Variants in GALNT13 observed in about 807,000 individuals in gnomAD.
The protein encoded by GALNT13 is UDP-GalNAc:polypeptide N-acetylgalactosaminyltransferase 13.
Under a neutral mutation model 64.2 loss-of-function variants are expected in GALNT13, and 28 were observed. The ratio of observed to expected loss-of-function variants is 0.44; its 90% CI spans 0.32 to 0.60. GALNT13 has a LOEUF of 0.60. GALNT13 is among the 20% of genes least tolerant of loss of function. GALNT13 has a pLI of 0.05. For missense variants in GALNT13, 577 were observed against 669.8 expected (o/e 0.86, Z 1.53); for synonymous variants, 214 against 224.6 (o/e 0.95, Z 0.42).
chr2:153,728,701 C>T, the GALNT13 span, among the ~76,000 whole-genome samples: 2 of 152,028 alleles, frequency 1.3e-5, no homozygotes, highest in Non-Finnish European at 2.9e-5. Context: ...TCAATGAATC[C>T]AGGAGCTGGT....
chr2:154,164,707 G>A (rs1184654944), intron 4 of GALNT13, among the ~76,000 whole-genome samples: 8 of 152,012 alleles, frequency 5.3e-5, no homozygotes, highest in South Asian at 2.1e-4. Context: ...AAAACGTGAC[G>A]TGGCAGCCTC....
intron 8 of GALNT13, among the ~76,000 whole-genome samples, chr2:154,276,113 G>A (rs571815987): frequency 6.6e-6 from 1 of 152,294 alleles, no homozygotes; most frequent in South Asian, 2.1e-4. Flanking sequence ...GATTTTACAG[G>A]CTCATAGGCA....
At chr2:154,197,631 T>G (rs1024379307) in intron 4 of GALNT13, among the ~76,000 whole-genome samples, 4 of 151,818 alleles carry the variant, frequency 2.6e-5, no homozygotes, top group Non-Finnish European at 4.4e-5. Context: ...AAAGAAAAAT[T>G]TTTAAAGAAC....
At chr2:153,585,839 A>G in the GALNT13 span, among the ~76,000 whole-genome samples, 2 of 152,144 alleles carry the variant, frequency 1.3e-5, no homozygotes, top group Non-Finnish European at 2.9e-5. Context: ...TAAGTATCAT[A>G]AATAAAGGAG....
At chr2:153,289,536 C>A in the GALNT13 span, among the ~76,000 whole-genome samples, 1 of 152,192 alleles carries the variant, frequency 6.6e-6, no homozygotes, top group Admixed American at 6.5e-5. Flanking sequence ...TCACTAGTTT[C>A]TACTGCTTTC....
chr2:153,119,271 A>G, the GALNT13 span, among the ~76,000 whole-genome samples: 3 of 152,028 alleles, frequency 2.0e-5, no homozygotes, highest in Non-Finnish European at 4.4e-5. Flanking sequence ...CTCTTTATTA[A>G]ACCCATGCAG....
the GALNT13 span, among the ~76,000 whole-genome samples, chr2:153,149,702 C>T: frequency 4.0e-5 from 6 of 151,516 alleles, no homozygotes; most frequent in African/African-American, 1.5e-4. Context: ...TTTATTACCA[C>T]AGCATAGCCT....
At chr2:154,247,514 G>A (rs1689843762) in intron 7 of GALNT13, among the ~76,000 whole-genome samples, 2 of 151,764 alleles carry the variant, frequency 1.3e-5, no homozygotes, top group African/African-American at 2.4e-5. Flanking sequence ...AAACACATTG[G>A]CAAAAAACAT....
At chr2:154,152,176 T>C (rs1684076910) in intron 4 of GALNT13, among the ~76,000 whole-genome samples, 1 of 152,174 alleles carries the variant, frequency 6.6e-6, no homozygotes, top group South Asian at 2.1e-4. Context: ...ATTTTATTTG[T>C]CCTTCACTTC....
chr2:154,288,459 G>T (rs1692406374), intron 8 of GALNT13, among the ~76,000 whole-genome samples: 1 of 152,038 alleles, frequency 6.6e-6, no homozygotes, highest in Non-Finnish European at 1.5e-5. Flanking sequence ...ACTCATTTCA[G>T]CATTAACTCA....
intron 3 of GALNT13, among the ~76,000 whole-genome samples, chr2:153,990,202 C>T (rs892542130): frequency 6.6e-6 from 1 of 151,930 alleles, no homozygotes; most frequent in Non-Finnish European, 1.5e-5. Context: ...TGCTCAAAAT[C>T]AGACAATTAG....
chr2:153,230,930 ATCT>A, the GALNT13 span, among the ~76,000 whole-genome samples: 7 of 152,190 alleles, frequency 4.6e-5, no homozygotes, highest in Admixed American at 3.9e-4. Context: ...AGCTTTTTAA[ATCT>A]TCTTGACTGA....
chr2:153,552,429 C>G, the GALNT13 span, among the ~76,000 whole-genome samples: 1 of 152,062 alleles, frequency 6.6e-6, no homozygotes, highest in South Asian at 2.1e-4. Context: ...GAGATTGAAT[C>G]AAATGCACAA....
chr2:153,070,912 T>C, the GALNT13 span, among the ~76,000 whole-genome samples: 1 of 152,232 alleles, frequency 6.6e-6, no homozygotes, highest in East Asian at 1.9e-4. Context: ...AGGGTGAATC[T>C]TAAAGGCAAT....
chr2:153,079,917 G>C, the GALNT13 span, among the ~76,000 whole-genome samples: 1 of 152,118 alleles, frequency 6.6e-6, no homozygotes, highest in Non-Finnish European at 1.5e-5. Context: ...GTCCCTCCAA[G>C]GTCAGCAAGT....
At chr2:153,691,586 G>A in the GALNT13 span, among the ~76,000 whole-genome samples, 4 of 151,910 alleles carry the variant, frequency 2.6e-5, no homozygotes, top group African/African-American at 4.8e-5. Context: ...AAAAAAATGG[G>A]CAAAAGGCTT....
chr2:153,896,269 A>G (rs1345350494), intron 1 of GALNT13, among the ~76,000 whole-genome samples: 2 of 150,392 alleles, frequency 1.3e-5, no homozygotes, highest in East Asian at 2.0e-4. Context: ...ACATTGCTTA[A>G]TTTTCTGACT....
chr2:154,242,577 G>T (rs10166119), intron 5 of GALNT13, 121 bp from the exon 6 acceptor site: 6 of 652,194 alleles, frequency 9.2e-6, no homozygotes, highest in Non-Finnish European at 1.3e-5. Flanking sequence ...ATCTAAGGCA[G>T]TAAATACTGA....
chr2:153,478,492 C>T, the GALNT13 span: 11 of 1,611,596 alleles, frequency 6.8e-6, no homozygotes, highest in Non-Finnish European at 9.3e-6. Context: ...GCGCACGGCT[C>T]GCTCCAGCGC....
Sources: allele counts gnomAD v4.1 joint callset (sites outside exome capture counted in the v4.1 genomes callset), GRCh38; gene constraint gnomAD v4.1.1; transcripts MANE v1.5; gene names NCBI Gene and HGNC (gene_info 2026-07-23, HGNC 2026-07-21).